The following PLCXD3 variants were observed in gnomAD, a reference collection of about 807,000 sequenced individuals.
The protein encoded by PLCXD3 is phosphatidylinositol specific phospholipase C X domain containing 3.
Under a neutral mutation model 25.5 loss-of-function variants are expected in PLCXD3, and 19 were observed. That is an observed-to-expected ratio of 0.75 (90% confidence interval 0.52 to 1.09). The LOEUF (loss-of-function observed/expected upper bound fraction) is 1.09, where lower values mean the gene tolerates loss of function less well. PLCXD3 is among the 50% of genes least tolerant of loss of function. The pLI is 0.00. For synonymous variants in PLCXD3, 174 were observed against 137.6 expected, an observed-to-expected ratio of 1.26 and a Z score of -1.85; for missense variants, 411 against 388.1, an observed-to-expected ratio of 1.06 and a Z score of -0.50.
At chr5:41,506,309 G>C (rs1190501088) in intron 1 of PLCXD3, among the ~76,000 whole-genome samples, 1 of 152,196 alleles carries the variant, frequency 6.6e-6, no homozygotes, top group Non-Finnish European at 1.5e-5. Context: ...ATCAAGAAAA[G>C]TCCTAGTAGA....
At chr5:41,416,268 A>G (rs1015226808) in intron 1 of PLCXD3, among the ~76,000 whole-genome samples, 1 of 152,236 alleles carries the variant, frequency 6.6e-6, no homozygotes, top group Non-Finnish European at 1.5e-5. Flanking sequence ...AAAAAGCGAC[A>G]GTATCTAGGA....
At chr5:41,414,368 A>G (rs772424942) in intron 1 of PLCXD3, among the ~76,000 whole-genome samples, 10 of 152,102 alleles carry the variant, frequency 6.6e-5, no homozygotes, top group Non-Finnish European at 1.5e-4. Flanking sequence ...ATGCTCGGCT[A>G]ATTTTGCATT....
At chr5:41,467,358 G>T (rs2150518864) in intron 1 of PLCXD3, among the ~76,000 whole-genome samples, 1 of 152,280 alleles carries the variant, frequency 6.6e-6, no homozygotes, top group African/African-American at 2.4e-5. Context: ...TTTCTTTTGA[G>T]AAATGTGTGT....
chr5:41,488,870 T>G (rs1748582423), intron 1 of PLCXD3, among the ~76,000 whole-genome samples: 2 of 150,736 alleles, frequency 1.3e-5, no homozygotes, highest in African/African-American at 2.4e-5. Flanking sequence ...TTTCTCCCAT[T>G]TTGTAGGTTG....
chr5:41,474,854 C>A (rs977200022), intron 1 of PLCXD3, among the ~76,000 whole-genome samples: 5 of 152,154 alleles, frequency 3.3e-5, no homozygotes, highest in African/African-American at 1.2e-4. Flanking sequence ...TCCCCAAATA[C>A]CAGTGGAAAT....
At chr5:41,327,121 A>G (rs1053804156) in intron 2 of PLCXD3, among the ~76,000 whole-genome samples, 10 of 152,128 alleles carry the variant, frequency 6.6e-5, no homozygotes, top group South Asian at 4.1e-4. Context: ...AGATAAAGAG[A>G]AAGGGGTTCC....
At chr5:41,421,715 A>G (rs1193684325) in intron 1 of PLCXD3, among the ~76,000 whole-genome samples, 1 of 151,928 alleles carries the variant, frequency 6.6e-6, no homozygotes, top group Non-Finnish European at 1.5e-5. Context: ...AAACAAAACA[A>G]AACAAACAAA....
chr5:41,489,216 G>A (rs1748592319), intron 1 of PLCXD3, among the ~76,000 whole-genome samples: 1 of 152,062 alleles, frequency 6.6e-6, no homozygotes, highest in Non-Finnish European at 1.5e-5. Context: ...TTTTTCTCAG[G>A]TTTGTCAAAG....
intron 1 of PLCXD3, among the ~76,000 whole-genome samples, chr5:41,495,337 T>C (rs1030958692): frequency 1.3e-5 from 2 of 152,126 alleles, no homozygotes; most frequent in African/African-American, 4.8e-5. Context: ...GAAAACAAAA[T>C]TTTTGGGCAA....
intron 1 of PLCXD3, among the ~76,000 whole-genome samples, chr5:41,394,278 C>T (rs957048524): frequency 2.0e-5 from 3 of 150,324 alleles, no homozygotes; most frequent in African/African-American, 7.3e-5. Flanking sequence ...AACCTGAAAC[C>T]AGAAAAATGA....
At chr5:41,467,786 T>A (rs933288973) in intron 1 of PLCXD3, among the ~76,000 whole-genome samples, 1 of 152,138 alleles carries the variant, frequency 6.6e-6, no homozygotes, top group Non-Finnish European at 1.5e-5. Flanking sequence ...GGATATTCAG[T>A]TTTCCCGACA....
At chr5:41,504,065 G>A (rs897749119) in intron 1 of PLCXD3, among the ~76,000 whole-genome samples, 6 of 151,904 alleles carry the variant, frequency 3.9e-5, no homozygotes, top group South Asian at 2.1e-4. Context: ...CTACTAATGT[G>A]CTTTCATACA....
intron 2 of PLCXD3, among the ~76,000 whole-genome samples, chr5:41,375,824 C>T (rs1259711799): frequency 5.3e-5 from 8 of 152,090 alleles, no homozygotes; most frequent in Admixed American, 5.2e-4. Flanking sequence ...TAATCTGCAA[C>T]AATAAGCATG....
chr5:41,379,959 T>G (rs1745406993), intron 2 of PLCXD3, among the ~76,000 whole-genome samples: 1 of 152,014 alleles, frequency 6.6e-6, no homozygotes, highest in Non-Finnish European at 1.5e-5. Context: ...TTATTTAAAT[T>G]TTAAGGAACA....
intron 1 of PLCXD3, among the ~76,000 whole-genome samples, chr5:41,484,691 C>T (rs941019951): frequency 3.3e-5 from 5 of 152,112 alleles, no homozygotes; most frequent in South Asian, 2.1e-4. Context: ...GTATAGGTAA[C>T]GGAATGATCA....
Position 41,327,899 on chromosome 5 carries a change from G to C in PLCXD3, c.813-14129C>G, listed in dbSNP as rs116253702. 4.5e-3 allele frequency among the ~76,000 whole-genome samples: 691 copies of C among 152,054 alleles called. 3 individuals carry two copies. The highest frequency in any genetic ancestry group is 0.016 in the African/African-American group (652 of 41,478). ...TAGCTCACTGTAACCTCGAACTCCCGGACTCAAGCGATCCTCCTGCTTCAG... is the reference window on the plus strand; with the variant it reads ...TAGCTCACTGTAACCTCGAACTCCCCGACTCAAGCGATCCTCCTGCTTCAG... On this transcript the variant is annotated intron_variant, in intron 2 of 2. Transcript: ENST00000377801.
chr5:41,463,833 T>C (rs1473346094), intron 1 of PLCXD3, among the ~76,000 whole-genome samples: 1 of 151,988 alleles, frequency 6.6e-6, no homozygotes, highest in Non-Finnish European at 1.5e-5. Context: ...GTTTCCTTCT[T>C]TTCTGCCAAT....
In PLCXD3 at chr5:41,471,942, C is replaced by G. The variant is rs924541058; in HGVS notation, c.103+38482G>C. Among the ~76,000 whole-genome samples the G allele has an allele frequency of 8.1e-5, 5 of 61,510 alleles. 1 individual carries two copies. The highest frequency in any genetic ancestry group is 9.7e-4 in the South Asian group (1 of 1,030). The allele number at this position is 61,510 out of a possible 152,430, so 40.4% of individuals were successfully genotyped here. A position where few individuals can be genotyped will look rare whatever the true frequency, so the allele number is the denominator to read the frequency against. On this transcript the variant is annotated intron_variant, in intron 1 of 2. Transcript: ENST00000377801. ...CTTCCCTTCCCCTCCCTTCCCCTCC[C>G]CTCCCTTCCCTTCCCTTCCCTTCCC...
intron 2 of PLCXD3, among the ~76,000 whole-genome samples, chr5:41,378,978 T>C (rs1329068299): frequency 2.6e-5 from 4 of 152,048 alleles, no homozygotes; most frequent in African/African-American, 7.2e-5. Flanking sequence ...TCTACACAGG[T>C]AAAATGAGGG....
Sources: allele counts gnomAD v4.1 joint callset (sites outside exome capture counted in the v4.1 genomes callset), GRCh38; gene constraint gnomAD v4.1.1; transcripts MANE v1.5; gene names NCBI Gene and HGNC (gene_info 2026-07-23, HGNC 2026-07-21).